QRICH1: variants seen among roughly 807,000 people sequenced by gnomAD.
The protein encoded by QRICH1 is transcriptional regulator QRICH1.
A neutral mutation model predicts 87.1 loss-of-function variants in QRICH1; 16 were observed. The ratio of observed to expected loss-of-function variants is 0.18; its 90% CI spans 0.12 to 0.28. The LOEUF (loss-of-function observed/expected upper bound fraction) is 0.28, where lower values mean the gene tolerates loss of function less well. Ranked by LOEUF, QRICH1 falls within the 10% of genes least tolerant of loss-of-function variation. The probability of loss-of-function intolerance (pLI) is 1.00; values close to 1 mark genes in which losing one functional copy is unlikely to be tolerated. For synonymous variants in QRICH1, 367 were observed against 368.4 expected (o/e 1.00, Z 0.05); for missense variants, 647 against 951.7 (o/e 0.68, Z 4.21).
intron 5 of QRICH1, 26 bp downstream of exon 5, chr3:49,046,399 T>C (rs2093339769): frequency 1.5e-5 from 24 of 1,599,690 alleles, no homozygotes; most frequent in Non-Finnish European, 2.0e-5. Flanking sequence ...AGCTCAAACA[T>C]GTTCTTGTGA....
At chr3:49,067,756 G>A (rs577824704) in intron 2 of QRICH1, among the ~76,000 whole-genome samples, 7 of 151,704 alleles carry the variant, frequency 4.6e-5, no homozygotes, top group South Asian at 2.1e-4. Context: ...CAAGGCAGGC[G>A]GATCACGAGG....
intron 6 of QRICH1, among the ~76,000 whole-genome samples, chr3:49,043,699 T>C (rs1291088842): frequency 2.0e-5 from 3 of 151,806 alleles, no homozygotes; most frequent in Admixed American, 1.3e-4. Context: ...TGATGGCACA[T>C]GCCTGTAATC....
chr3:49,046,174 T>C (rs544388579), intron 5 of QRICH1, among the ~76,000 whole-genome samples: 1 of 150,496 alleles, frequency 6.6e-6, no homozygotes, highest in East Asian at 2.0e-4. Context: ...TGCCTCGGCC[T>C]CCCAAAGCGC....
chr3:49,069,662 TACAG>T (rs754905157), intron 2 of QRICH1, among the ~76,000 whole-genome samples: 5 of 151,424 alleles, frequency 3.3e-5, no homozygotes, highest in South Asian at 2.1e-4. Flanking sequence ...TTATTTTTAG[TACAG>T]ACAAAGTCTC....
rs189086287 is a variant in QRICH1 at position 49,077,985 on chromosome 3, G to A, written c.-21-947C>T. Among the ~76,000 whole-genome samples, 421 of 152,296 alleles carry A rather than the reference G, an allele frequency of 2.8e-3. 3 individuals are homozygous for A. Among genetic ancestry groups the A allele is most frequent in the African/African-American group, 9.4e-3 (392 of 41,560 alleles). ...TTAACTCTCATCATCTGAGGGAAAA[G>A]TGTGCAATCTGTGGACTGCTGACCC... is the stretch of plus-strand genomic sequence containing the variant. On this transcript the variant is annotated intron_variant, in intron 1 of 9. Coordinates refer to ENST00000395443, the MANE Select transcript of QRICH1 (RefSeq NM_198880.3).
At chr3:49,045,780 T>C (rs1243484919) in intron 5 of QRICH1, among the ~76,000 whole-genome samples, 5 of 151,834 alleles carry the variant, frequency 3.3e-5, no homozygotes, top group East Asian at 1.9e-4. Flanking sequence ...TTTGTAGAGA[T>C]GGGGTTTCAC....
Position 49,057,755 on chromosome 3 carries a change from G to C in QRICH1, c.445C>G (p.Pro149Ala). The change falls in exon 3 of 10, where the codon CCC becomes GCC. Residue 149 changes from proline to alanine, a missense_variant. Pro to Ala is a conservative substitution (Grantham distance 27). Coordinates refer to ENST00000395443, the MANE Select transcript of QRICH1 (RefSeq NM_198880.3). The surrounding 1 kb of genome is among the most constrained non-coding windows in gnomAD (Gnocchi z 5.4). Reference protein sequence around the residue: ...IQGQAPQSAAPSIQTPSLQSP... With the variant: ...IQGQAPQSAAASIQTPSLQSP... ...TGCAGAGACGGGGTCTGAATGGAGGGGGCTGCTGACTGTGGTGCCTGGCCT... is the reference window on the plus strand; with the variant it reads ...TGCAGAGACGGGGTCTGAATGGAGGCGGCTGCTGACTGTGGTGCCTGGCCT... 1 of 1,614,176 alleles carries C rather than the reference G, an allele frequency of 6.2e-7. No individual in the cohort carries two copies. Among genetic ancestry groups the C allele is most frequent in the Non-Finnish European group, 8.5e-7 (1 of 1,180,040 alleles).
intron 1 of QRICH1, among the ~76,000 whole-genome samples, chr3:49,086,552 T>C (rs941672318): frequency 6.6e-6 from 1 of 152,162 alleles, no homozygotes; most frequent in African/African-American, 2.4e-5. Context: ...CTGGCTCCTC[T>C]GTATTTCCTC....
Position 49,033,420 on chromosome 3 carries a change from G to A in QRICH1, c.1787-192C>T, listed in dbSNP as rs147450174. ...AGCTGGGTCCCAATCTGTTTCTGAGGTGGAACCTGATGATGAGCACTTCTA... is the reference window on the plus strand; with the variant it reads ...AGCTGGGTCCCAATCTGTTTCTGAGATGGAACCTGATGATGAGCACTTCTA... On this transcript the variant is annotated intron_variant, in intron 6 of 9. Coordinates refer to ENST00000395443, the MANE Select transcript of QRICH1 (RefSeq NM_198880.3). The A allele has an allele frequency of 1.6e-3, 612 of 391,896 alleles. 3 individuals carry two copies. The highest frequency in any genetic ancestry group is 0.011 in the African/African-American group (537 of 48,468). The allele number at this position is 391,896 out of a possible 1,614,324, so 24.3% of individuals were successfully genotyped here.
intron 3 of QRICH1, among the ~76,000 whole-genome samples, chr3:49,051,716 T>TA (rs1371592736): frequency 6.6e-6 from 1 of 151,948 alleles, no homozygotes; most frequent in Non-Finnish European, 1.5e-5. Flanking sequence ...TCTCCTGAGT[T>TA]ACCTCTCTCC....
chr3:49,081,161 A>C (rs1029198273), intron 1 of QRICH1, among the ~76,000 whole-genome samples: 1 of 152,086 alleles, frequency 6.6e-6, no homozygotes, highest in Non-Finnish European at 1.5e-5. Flanking sequence ...TCAGGCCTCT[A>C]ATCCCAGCAC....
intron 1 of QRICH1, among the ~76,000 whole-genome samples, chr3:49,080,705 A>C (rs1474380693): frequency 6.6e-6 from 1 of 151,924 alleles, no homozygotes; most frequent in Non-Finnish European, 1.5e-5. Flanking sequence ...GTAAAGGATA[A>C]TTTCACCGAC....
At chr3:49,093,053 T>C (rs1490707638) in intron 1 of QRICH1, among the ~76,000 whole-genome samples, 1 of 152,132 alleles carries the variant, frequency 6.6e-6, no homozygotes, top group African/African-American at 2.4e-5. Context: ...AGGTGACGTG[T>C]ATGAATTACG....
At chr3:49,079,152 T>C (rs1277964599) in intron 1 of QRICH1, among the ~76,000 whole-genome samples, 2 of 152,056 alleles carry the variant, frequency 1.3e-5, no homozygotes, top group Non-Finnish European at 1.5e-5. Flanking sequence ...GAAGGATTGC[T>C]TGAGCCCAGA....
In QRICH1 at chr3:49,071,784, C is replaced by T. The variant is rs780030925; in HGVS notation, c.309+4925G>A. ...CACAGCTCGCTGCAACCATGACCTC[C>T]CAGGTTCAGGTGATCCTCCCACTTC... is the stretch of plus-strand genomic sequence containing the variant. On this transcript the variant is annotated intron_variant, in intron 2 of 9. Transcript: ENST00000395443. Among the ~76,000 whole-genome samples, 91 of 152,288 alleles carry T rather than the reference C, an allele frequency of 6.0e-4. 3 individuals carry two copies. Among genetic ancestry groups the T allele is most frequent in the Non-Finnish European group, 3.2e-4 (22 of 68,008 alleles).
At chr3:49,067,982 A>C (rs1021775836) in intron 2 of QRICH1, among the ~76,000 whole-genome samples, 1 of 152,110 alleles carries the variant, frequency 6.6e-6, no homozygotes, top group African/African-American at 2.4e-5. Context: ...CAAACAAAAA[A>C]AACAACCCAC....
chr3:49,047,900 C>T (rs2093347978), intron 3 of QRICH1, among the ~76,000 whole-genome samples: 1 of 151,850 alleles, frequency 6.6e-6, no homozygotes, highest in Admixed American at 6.6e-5. Context: ...GCACTCCAGC[C>T]TGGTGATAGA....
chr3:49,056,083 C>G (rs200216274), intron 3 of QRICH1, among the ~76,000 whole-genome samples: 29 of 152,210 alleles, frequency 1.9e-4, no homozygotes, highest in Non-Finnish European at 3.5e-4. Flanking sequence ...TCAAGTGATT[C>G]TCCTGCCTCA....
chr3:49,053,422 T>C (rs1207789099), intron 3 of QRICH1, among the ~76,000 whole-genome samples: 3 of 147,794 alleles, frequency 2.0e-5, no homozygotes, highest in Non-Finnish European at 4.5e-5. Context: ...GAGGCGGAGG[T>C]TGCAGTGAGC....
Sources: gnomAD v4.1 joint callset for allele counts (sites outside exome capture counted in the v4.1 genomes callset) on GRCh38, gnomAD v4.1.1 for gene constraint, Gnocchi (gnomAD v3.1) non-coding constraint, MANE v1.5 for transcripts, NCBI Gene and HGNC (gene_info 2026-07-23, HGNC 2026-07-21) for gene names.